The following RTTN variants were observed in gnomAD, a reference collection of about 807,000 sequenced individuals.
The protein encoded by RTTN is rotatin.
RTTN carries 182 observed loss-of-function variants against 269.2 expected under a neutral mutation model. That is an observed-to-expected ratio of 0.68 (90% CI 0.60 to 0.76). The LOEUF is 0.76. RTTN is among the 30% of genes least tolerant of loss of function. The probability of loss-of-function intolerance (pLI) is 0.00; values close to 1 mark genes in which losing one functional copy is unlikely to be tolerated. For missense variants in RTTN, 2,545 were observed against 2,608.6 expected (o/e 0.98, Z 0.53); for synonymous variants, 1,006 against 963.5 (o/e 1.04, Z -0.82).
chr18:70,037,958 T>C (rs922173482), intron 40 of RTTN, among the ~76,000 whole-genome samples: 3 of 152,148 alleles, frequency 2.0e-5, no homozygotes, highest in Non-Finnish European at 4.4e-5. Context: ...TAAGTGAACA[T>C]TGGCAGCAGC....
chr18:70,033,343 T>C (rs1468968281), intron 40 of RTTN, among the ~76,000 whole-genome samples: 2 of 152,198 alleles, frequency 1.3e-5, no homozygotes. Context: ...TTTACAGCAA[T>C]GTAAGAATGG....
At chr18:70,083,371 A>G (rs914749173) in intron 32 of RTTN, among the ~76,000 whole-genome samples, 1 of 152,204 alleles carries the variant, frequency 6.6e-6, no homozygotes, top group African/African-American at 2.4e-5. Flanking sequence ...CATTTTAATG[A>G]ATCAGTCAAG....
At chr18:70,039,430 A>T (rs1419504100) in intron 40 of RTTN, among the ~76,000 whole-genome samples, 1 of 152,080 alleles carries the variant, frequency 6.6e-6, no homozygotes, top group African/African-American at 2.4e-5. Context: ...AAAAACAACA[A>T]AAAAACTTTA....
At chr18:70,130,073 A>G (rs1279285400) in intron 23 of RTTN, 4 of 152,064 alleles carry the variant, frequency 2.6e-5, no homozygotes, top group African/African-American at 9.7e-5. Flanking sequence ...CAAAACCACA[A>G]TGAGATATCT....
rs34101176 is a variant in RTTN at position 70,160,657 on chromosome 18, G to GAA, written c.1929+5403_1929+5404dup. ...TCTCTTCACAGATGATTCTATACCT[G>GAA]AAAAAAAAAAAAAAAAAAGAAAAAA... On this transcript the variant is annotated intron_variant, in intron 14 of 48. Transcript: ENST00000640769. Among the ~76,000 whole-genome samples, 243 of 106,130 alleles carry GAA rather than the reference G, an allele frequency of 2.3e-3. 2 individuals are homozygous for GAA. The highest frequency in any genetic ancestry group is 8.0e-3 in the African/African-American group (236 of 29,494). The allele number at this position is 106,130 out of a possible 152,430, so 69.6% of individuals were successfully genotyped here.
chr18:70,056,869 T>G (rs1477411374), intron 37 of RTTN, among the ~76,000 whole-genome samples: 6 of 152,264 alleles, frequency 3.9e-5, no homozygotes, highest in Non-Finnish European at 2.9e-5. Flanking sequence ...ATGGATTTTC[T>G]AATTATCTAT....
In RTTN at chr18:70,040,621, C is replaced by A. The variant is rs188083165; in HGVS notation, c.5541+7350G>T. Reference sequence around the variant, plus strand: ...GATTTAATCTGCACTAAAGACCAAACGGACCTAATAGATATTTACCGAACA... The same window carrying A: ...GATTTAATCTGCACTAAAGACCAAAAGGACCTAATAGATATTTACCGAACA... On this transcript the variant is annotated intron_variant, in intron 40 of 48. Coordinates refer to ENST00000640769, the MANE Select transcript of RTTN (RefSeq NM_173630.4). Among the ~76,000 whole-genome samples the A allele has an allele frequency of 8.6e-3, 1,306 of 152,310 alleles. 17 individuals are homozygous for A. Among genetic ancestry groups the A allele is most frequent in the Middle Eastern group, 0.02 (6 of 294 alleles).
chr18:70,054,152 T>G lies in RTTN; in HGVS notation c.5164A>C (p.Ile1722Leu). 6.2e-7 allele frequency: 1 copy of G among 1,613,172 alleles called. No individual in the cohort carries two copies. Among genetic ancestry groups the G allele is most frequent in the African/African-American group, 1.3e-5 (1 of 75,016 alleles). The change falls in exon 38 of 49, where the codon ATA becomes CTA. Residue 1722 changes from isoleucine to leucine, a missense_variant. By Grantham distance (5) the Ile-to-Leu change is conservative. Coordinates refer to ENST00000640769, the MANE Select transcript of RTTN (RefSeq NM_173630.4). Reference protein sequence around the residue: ...LITNIIGILTICTKDVLDKEL... With the variant: ...LITNIIGILTLCTKDVLDKEL... ...TTACCTAATACATCTTTGGTACATA[T>G]GGTGAGAATTCCAATGATATTGGTG...
intron 45 of RTTN, among the ~76,000 whole-genome samples, chr18:70,020,108 A>C (rs4891802): frequency 0.8 from 121,725 of 152,168 alleles, 53,532 homozygotes; most frequent in East Asian, 1. Flanking sequence ...AATTACCTTA[A>C]GTTAAAATCA....
intron 28 of RTTN, among the ~76,000 whole-genome samples, chr18:70,102,991 G>A (rs887986478): frequency 6.1e-5 from 9 of 148,426 alleles, no homozygotes; most frequent in Admixed American, 2.0e-4. Flanking sequence ...GGGAAGTGGG[G>A]AGCGCCTCTG....
intron 17 of RTTN, among the ~76,000 whole-genome samples, chr18:70,147,348 A>T (rs978893377): frequency 6.6e-6 from 1 of 152,184 alleles, no homozygotes; most frequent in Non-Finnish European, 1.5e-5. Flanking sequence ...GGTATTCAGT[A>T]CAGTAACATG....
intron 7 of RTTN, among the ~76,000 whole-genome samples, chr18:70,193,900 G>C (rs1257295438): frequency 6.6e-6 from 1 of 152,116 alleles, no homozygotes; most frequent in African/African-American, 2.4e-5. Context: ...CTATGACATC[G>C]AAAGCACAAA....
chr18:70,147,593 C>G (rs1000785420), intron 17 of RTTN, among the ~76,000 whole-genome samples: 2 of 152,112 alleles, frequency 1.3e-5, no homozygotes, highest in Non-Finnish European at 2.9e-5. Flanking sequence ...GATTAGCCAA[C>G]GGACAGGGTT....
chr18:70,188,071 C>A, intron 10 of RTTN, 37 bp downstream of exon 10: 1 of 1,210,492 alleles, frequency 8.3e-7, no homozygotes, highest in Non-Finnish European at 1.2e-6. Flanking sequence ...TTAAAAAATA[C>A]TATTCCCTAT....
In RTTN at chr18:70,169,079, A is replaced by G; in HGVS notation, c.1477-12T>C. ...AAAAACTCGCTTGCCTTGGTGAATT[A>G]AAAAAACAAAAAAATTAAAACTTTG... On this transcript the variant is annotated splice_polypyrimidine_tract_variant and intron_variant, in intron 11 of 48. Transcript: ENST00000640769. 1 of 1,552,056 alleles carries G rather than the reference A, an allele frequency of 6.4e-7. No individual in the cohort carries two copies. The highest frequency in any genetic ancestry group is 8.7e-7 in the Non-Finnish European group (1 of 1,153,440).
At chr18:70,113,975 T>C (rs1381199) in intron 27 of RTTN, among the ~76,000 whole-genome samples, 125,624 of 152,094 alleles carry the variant, frequency 0.83, 55,238 homozygotes, top group East Asian at 1. Context: ...GTGGTGACAG[T>C]TGCAAACATT....
intron 26 of RTTN, among the ~76,000 whole-genome samples, chr18:70,119,286 G>T (rs760994872): frequency 2.0e-5 from 3 of 147,894 alleles, no homozygotes; most frequent in Middle Eastern, 6.8e-3. Context: ...TACAGTAACC[G>T]CGCCCCCCCA....
intron 28 of RTTN, among the ~76,000 whole-genome samples, chr18:70,097,262 A>C (rs1395651323): frequency 6.6e-6 from 1 of 152,220 alleles, no homozygotes; most frequent in Non-Finnish European, 1.5e-5. Context: ...GAAACAAGCT[A>C]ATCTTTTATT....
intron 40 of RTTN, among the ~76,000 whole-genome samples, chr18:70,045,636 T>C (rs1259838853): frequency 2.0e-5 from 3 of 152,216 alleles, no homozygotes; most frequent in Non-Finnish European, 4.4e-5. Flanking sequence ...AATAGGCCCA[T>C]TAACTGTCCC....
Sources: gnomAD v4.1 joint callset for allele counts (sites outside exome capture counted in the v4.1 genomes callset) on GRCh38, gnomAD v4.1.1 for gene constraint, MANE v1.5 for transcripts, NCBI Gene and HGNC (gene_info 2026-07-23, HGNC 2026-07-21) for gene names.